The following CTNNA2 variants were observed in gnomAD, a reference collection of about 807,000 sequenced individuals.
CTNNA2 encodes catenin alpha-2.
Under a neutral mutation model 101.0 loss-of-function variants are expected in CTNNA2, and 42 were observed. The observed-to-expected ratio is 0.42, with a 90% CI of 0.32 to 0.54. CTNNA2 has a LOEUF of 0.54. CTNNA2 is among the 20% of genes least tolerant of loss of function. The pLI, the probability that CTNNA2 is intolerant of heterozygous loss-of-function variation, is 0.14. For synonymous variants in CTNNA2, 450 were observed against 456.4 expected (o/e 0.99, Z 0.18); for missense variants, 871 against 1,223.1 (o/e 0.71, Z 4.29).
In CTNNA2 at chr2:79,627,456, C is replaced by A. The variant is rs376190604; in HGVS notation, c.-5-24096C>A. ...AGCAGAGTGCTGCCTGCTGCCTCCC[C>A]CTCATAGCAGATTTCCTGTCCTGCG... On this transcript the variant is annotated intron_variant, in intron 1 of 18. Transcript: ENST00000402739. Among the ~76,000 whole-genome samples, 67 of 152,294 alleles carry A rather than the reference C, an allele frequency of 4.4e-4. 1 individual carries two copies. Among genetic ancestry groups the A allele is most frequent in the African/African-American group, 1.5e-3 (62 of 41,568 alleles).
chr2:79,857,842 C>T (rs1226514947), intron 3 of CTNNA2, among the ~76,000 whole-genome samples, 171 bp from the exon 4 acceptor site: 1 of 152,176 alleles, frequency 6.6e-6, no homozygotes, highest in Non-Finnish European at 1.5e-5. Context: ...TGTCCATGTG[C>T]ACTGATGTAC....
At chr2:79,280,140 T>C (rs1422152823) in intron 2 of CTNNA2, among the ~76,000 whole-genome samples, 1 of 152,162 alleles carries the variant, frequency 6.6e-6, no homozygotes, top group Non-Finnish European at 1.5e-5. Context: ...TGTCAAGGGA[T>C]ACGGAGGTTC....
At position 79,413,363 on chromosome 2, in the gene CTNNA2, CTTG is replaced by C. The variant is rs201618574; in HGVS notation, c.-135+39357_-135+39359del. Among the ~76,000 whole-genome samples the C allele has an allele frequency of 0.015, 2,330 of 152,046 alleles. 118 individuals carry two copies. In the East Asian group the frequency reaches 0.17, roughly 11 times the overall value. On this transcript the variant is annotated intron_variant, in intron 4 of 21. Coordinates refer to the CTNNA2 transcript ENST00000466387. Reference sequence around the variant, plus strand: ...TAATGTAATGTCCTCTAGCTTCATTCTTGTTGTTGCAAATGATAGAATTTTCCT... The same window carrying C: ...TAATGTAATGTCCTCTAGCTTCATTCTTGTTGCAAATGATAGAATTTTCCT...
intron 16 of CTNNA2, among the ~76,000 whole-genome samples, chr2:80,606,884 G>A (rs1698074044): frequency 6.6e-6 from 1 of 151,742 alleles, no homozygotes; most frequent in African/African-American, 2.4e-5. Context: ...CAGCCCTCTG[G>A]GGAGATATCA....
intron 4 of CTNNA2, among the ~76,000 whole-genome samples, chr2:79,456,484 G>C (rs1289702835): frequency 1.3e-5 from 2 of 152,124 alleles, no homozygotes; most frequent in African/African-American, 4.8e-5. Context: ...TGTGTTTTAA[G>C]TATTTAAAAT....
At chr2:79,646,524 C>CTTTTTTTTTTTTTTTTTTTTTTTTTTTT in intron 1 of CTNNA2, among the ~76,000 whole-genome samples, 1 of 106,140 alleles carries the variant, frequency 9.4e-6, no homozygotes, top group Non-Finnish European at 1.8e-5. Context: ...TTCTTTCTGT[C>CTTTTTTTTTTTTTTTTTTTTTTTTTTTT]TTTTTTTTTT....
chr2:79,918,873 G>A (rs1166962668), intron 7 of CTNNA2, among the ~76,000 whole-genome samples: 1 of 152,156 alleles, frequency 6.6e-6, no homozygotes, highest in Non-Finnish European at 1.5e-5. Flanking sequence ...AATAACAACC[G>A]GTTATGGATT....
chr2:80,567,988 C>T (rs192312140), intron 12 of CTNNA2, among the ~76,000 whole-genome samples: 8 of 152,264 alleles, frequency 5.3e-5, no homozygotes, highest in Admixed American at 5.2e-4. Context: ...GCAAGAAACA[C>T]ACTCAGAGTG....
intron 9 of CTNNA2, among the ~76,000 whole-genome samples, chr2:80,422,183 A>C (rs574884132): frequency 1.3e-4 from 20 of 152,306 alleles, no homozygotes; most frequent in African/African-American, 3.8e-4. Flanking sequence ...AAGGCAAAGG[A>C]AGAGGAAAGA....
At chr2:79,607,325 T>C (rs1390627551) in intron 1 of CTNNA2, among the ~76,000 whole-genome samples, 2 of 152,154 alleles carry the variant, frequency 1.3e-5, no homozygotes, top group Admixed American at 6.5e-5. Flanking sequence ...GAAATCTTAG[T>C]GCTTAATTGA....
intron 4 of CTNNA2, among the ~76,000 whole-genome samples, chr2:79,450,698 T>C (rs1670731726): frequency 1.3e-5 from 2 of 152,096 alleles, no homozygotes; most frequent in Admixed American, 1.3e-4. Context: ...AATTTTACCA[T>C]AGGCTAATTG....
intron 2 of CTNNA2, among the ~76,000 whole-genome samples, chr2:79,280,683 GAA>G (rs575058052): frequency 0.17 from 10,137 of 58,210 alleles, 627 homozygotes; most frequent in African/African-American, 0.29. Context: ...GAGAGAGAGA[GAA>G]AGAGAGAGAG....
chr2:80,180,203 C>G (rs575852522), intron 7 of CTNNA2, among the ~76,000 whole-genome samples: 2 of 152,268 alleles, frequency 1.3e-5, no homozygotes, highest in South Asian at 4.1e-4. Flanking sequence ...ATAGTGGGGT[C>G]TTTCCTCAAG....
chr2:79,974,322 C>T (rs76442566), intron 7 of CTNNA2, among the ~76,000 whole-genome samples: 2,548 of 152,056 alleles, frequency 0.017, 69 homozygotes, highest in African/African-American at 0.057. Context: ...TGCTAATTGC[C>T]CTGTAGAAGC....
intron 9 of CTNNA2, among the ~76,000 whole-genome samples, chr2:80,466,191 A>G (rs1331578602): frequency 6.6e-6 from 1 of 152,210 alleles, no homozygotes; most frequent in East Asian, 1.9e-4. Context: ...ATAAAGTAAT[A>G]GAAATCTGAA....
intron 7 of CTNNA2, among the ~76,000 whole-genome samples, chr2:80,382,684 C>G (rs1296939216): frequency 6.6e-6 from 1 of 152,180 alleles, no homozygotes; most frequent in Non-Finnish European, 1.5e-5. Flanking sequence ...CCCACATAGA[C>G]ATACTTTCCA....
intron 12 of CTNNA2, among the ~76,000 whole-genome samples, chr2:80,557,942 A>T (rs938087918): frequency 2.0e-5 from 3 of 152,062 alleles, no homozygotes; most frequent in African/African-American, 7.2e-5. Flanking sequence ...TACAATTTTT[A>T]TCCTGGCTTG....
chr2:80,072,329 A>G (rs1698400236), intron 7 of CTNNA2, among the ~76,000 whole-genome samples: 2 of 150,814 alleles, frequency 1.3e-5, no homozygotes, highest in Non-Finnish European at 2.9e-5. Context: ...CACCCCCAGT[A>G]TGTCCGCTGC....
chr2:80,162,744 G>A (rs1704408975), intron 7 of CTNNA2: 2 of 1,607,254 alleles, frequency 1.2e-6, no homozygotes, highest in Non-Finnish European at 1.7e-6. Context: ...TGAAAATCCT[G>A]ATTGATCCAG....
Sources: gnomAD v4.1 joint callset for allele counts (sites outside exome capture counted in the v4.1 genomes callset) on GRCh38, gnomAD v4.1.1 for gene constraint, MANE v1.5 for transcripts, NCBI Gene and HGNC (gene_info 2026-07-23, HGNC 2026-07-21) for gene names.